Variants in SCN9A observed in about 807,000 individuals in gnomAD.
SCN9A encodes the protein sodium voltage-gated channel alpha subunit 9, also known as sodium channel protein type 9 subunit alpha.
SCN9A carries 131 observed loss-of-function variants against 187.0 expected under a neutral mutation model. The observed-to-expected ratio is 0.70, with a 90% CI of 0.61 to 0.81. The LOEUF (loss-of-function observed/expected upper bound fraction) is 0.81. Ranked by LOEUF, SCN9A falls within the 30% of genes least tolerant of loss-of-function variation. The probability of loss-of-function intolerance (pLI) is 0.00; values close to 1 mark genes in which losing one functional copy is unlikely to be tolerated. For synonymous variants in SCN9A, 809 were observed against 808.6 expected (o/e 1.00, Z -0.01); for missense variants, 2,252 against 2,396.6 (o/e 0.94, Z 1.26).
intron 10 of SCN9A, 74 bp downstream of exon 10, chr2:166,288,363 A>G: frequency 8.6e-7 from 1 of 1,156,320 alleles, no homozygotes; most frequent in South Asian, 1.6e-5. Context: ...AAGGCCAAGC[A>G]TATACCGCAG....
chr2:166,320,633 T>C (rs1364360633), intron 1 of SCN9A, among the ~76,000 whole-genome samples: 1 of 152,178 alleles, frequency 6.6e-6, no homozygotes, highest in East Asian at 1.9e-4. Context: ...TTCAACAATA[T>C]CAATCTTCCT....
intron 7 of SCN9A, among the ~76,000 whole-genome samples, chr2:166,299,537 T>G (rs1698465840): frequency 6.6e-6 from 1 of 150,960 alleles, no homozygotes; most frequent in Non-Finnish European, 1.5e-5. Context: ...CTTACTTTAT[T>G]GGCGGCTCTT....
chr2:166,233,507 A>C (rs1695187315), intron 20 of SCN9A, 45 bp from the exon 21 acceptor site: 1 of 1,488,660 alleles, frequency 6.7e-7, no homozygotes, highest in Non-Finnish European at 9.0e-7. Context: ...AAAATGATGA[A>C]GCATAAAAGG....
chr2:166,341,339 G>T (rs1699780539), intron 1 of SCN9A, among the ~76,000 whole-genome samples: 2 of 152,146 alleles, frequency 1.3e-5, no homozygotes, highest in African/African-American at 4.8e-5. Context: ...CTTACCAAAG[G>T]TGACATTGAG....
At chr2:166,292,352 ATTATT>A (rs1010372992) in intron 9 of SCN9A, among the ~76,000 whole-genome samples, 2 of 152,106 alleles carry the variant, frequency 1.3e-5, no homozygotes, top group African/African-American at 4.8e-5. Flanking sequence ...CTGATGAAAA[ATTATT>A]TTAATTTTTT....
intron 20 of SCN9A, among the ~76,000 whole-genome samples, chr2:166,235,416 A>G (rs1485957067): frequency 6.6e-6 from 1 of 152,126 alleles, no homozygotes; most frequent in Non-Finnish European, 1.5e-5. Context: ...ATAACCCAGA[A>G]GCCTGCAGAA....
At chr2:166,224,295 A>G (rs1694753252) in intron 24 of SCN9A, among the ~76,000 whole-genome samples, 1 of 152,166 alleles carries the variant, frequency 6.6e-6, no homozygotes, top group African/African-American at 2.4e-5. Context: ...TTATAAATGT[A>G]AAATGGAACA....
chr2:166,228,105 C>T (rs13406236), intron 22 of SCN9A, among the ~76,000 whole-genome samples: 112,031 of 151,908 alleles, frequency 0.74, 41,646 homozygotes, highest in South Asian at 0.79. Flanking sequence ...AGTTCAAAAA[C>T]GTTCATTTTT....
At chr2:166,255,604 C>A (rs1696234602) in intron 17 of SCN9A, among the ~76,000 whole-genome samples, 1 of 151,366 alleles carries the variant, frequency 6.6e-6, no homozygotes, top group Admixed American at 6.6e-5. Flanking sequence ...TCAACAAAAA[C>A]CTTACTCAAA....
chr2:166,208,284 G>GGTAA (rs1391013710), intron 24 of SCN9A, among the ~76,000 whole-genome samples: 3 of 151,948 alleles, frequency 2.0e-5, no homozygotes, highest in East Asian at 3.9e-4. Flanking sequence ...TTTGTCCTTG[G>GGTAA]GTAAGTTTCT....
At chr2:166,214,619 A>T (rs1464234372) in intron 24 of SCN9A, among the ~76,000 whole-genome samples, 1 of 133,074 alleles carries the variant, frequency 7.5e-6, no homozygotes. Flanking sequence ...GGTTCATGCC[A>T]TTCTCCTGCC....
chr2:166,199,137 G>A lies in SCN9A; in HGVS notation c.5502C>T (p.Asp1834=). The A allele has an allele frequency of 6.2e-7, 1 of 1,614,152 alleles. No homozygotes were observed. The highest frequency in any genetic ancestry group is 8.5e-7 in the Non-Finnish European group (1 of 1,180,020). The change falls in exon 27 of 27, where the codon GAC becomes GAT. Residue 1834 remains aspartate (D), a synonymous_variant. Transcript: ENST00000642356. The stretch of plus-strand genomic sequence containing the variant: ...ATAAGATGTCAAGACAATGGATCCG[G>A]TCACCACTAACCATGGGCAGATCCA... ...IAMDLPMVSG[D]RIHCLDILFA...
chr2:166,228,031 T>G (rs1694913789), intron 22 of SCN9A, among the ~76,000 whole-genome samples: 1 of 152,066 alleles, frequency 6.6e-6, no homozygotes, highest in Non-Finnish European at 1.5e-5. Context: ...CTTTTCTCCA[T>G]TTTTTAAAGG....
At chr2:166,244,930 T>C (rs975273950) in intron 18 of SCN9A, among the ~76,000 whole-genome samples, 3 of 152,084 alleles carry the variant, frequency 2.0e-5, no homozygotes, top group Admixed American at 6.6e-5. Flanking sequence ...ATAAAACAGA[T>C]AAACAGTCAA....
intron 24 of SCN9A, among the ~76,000 whole-genome samples, chr2:166,212,467 A>G (rs936304766): frequency 6.6e-6 from 1 of 152,246 alleles, no homozygotes; most frequent in Non-Finnish European, 1.5e-5. Flanking sequence ...TGAATCCATC[A>G]TCAAAGCATG....
At chr2:166,346,370 T>C (rs1039548076) in intron 1 of SCN9A, among the ~76,000 whole-genome samples, 1 of 152,200 alleles carries the variant, frequency 6.6e-6, no homozygotes, top group Non-Finnish European at 1.5e-5. Context: ...GCATTTCTCA[T>C]ACTTGTCTTG....
In SCN9A at chr2:166,198,966, C is replaced by A. The variant is rs754909677; in HGVS notation, c.5673G>T (p.Val1891=). The stretch of plus-strand genomic sequence containing the variant: ...AAGCACGCTGAATGACAGTAGCAGA[C>A]ACATCCTCTTGTTTCCGTTTTAGTG... ...TTTLKRKQED[V]SATVIQRAYR... The change falls in exon 27 of 27, where the codon GTG becomes GTT. Residue 1891 remains valine, a synonymous_variant. Transcript: ENST00000642356. The A allele has an allele frequency of 6.2e-7, 1 of 1,613,976 alleles. No homozygotes were observed. Among genetic ancestry groups the A allele is most frequent in the African/African-American group, 1.3e-5 (1 of 75,022 alleles).
intron 24 of SCN9A, among the ~76,000 whole-genome samples, chr2:166,218,796 G>C (rs1171772472): frequency 6.6e-6 from 1 of 152,142 alleles, no homozygotes; most frequent in Non-Finnish European, 1.5e-5. Context: ...TACAGAATGG[G>C]AGAAAATTTT....
intron 1 of SCN9A, among the ~76,000 whole-genome samples, chr2:166,321,142 G>A (rs1424251894): frequency 2.0e-5 from 3 of 152,076 alleles, no homozygotes; most frequent in African/African-American, 7.2e-5. Context: ...AAAGTTTTTG[G>A]ATTTTGTTTG....
Sources: allele counts gnomAD v4.1 joint callset (sites outside exome capture counted in the v4.1 genomes callset), GRCh38; gene constraint gnomAD v4.1.1; transcripts MANE v1.5; gene names NCBI Gene and HGNC (gene_info 2026-07-23, HGNC 2026-07-21).